The following SCN2A variants were observed in gnomAD, a reference collection of about 807,000 sequenced individuals.
SCN2A encodes the protein sodium channel protein type 2 subunit alpha.
In SCN2A, 20 loss-of-function variants were observed where a neutral mutation model predicts 188.7. The ratio of observed to expected loss-of-function variants is 0.11; its 90% CI spans 0.07 to 0.15. The LOEUF (loss-of-function observed/expected upper bound fraction) is 0.15, where lower values mean the gene tolerates loss of function less well. Ranked by LOEUF, SCN2A falls within the 10% of genes least tolerant of loss-of-function variation. The probability of loss-of-function intolerance (pLI) is 1.00; values close to 1 mark genes in which losing one functional copy is unlikely to be tolerated. For missense variants in SCN2A, 1,278 were observed against 2,445.0 expected (o/e 0.52, Z 10.07); for synonymous variants, 804 against 833.1 (o/e 0.97, Z 0.60).
intron 18 of SCN2A, among the ~76,000 whole-genome samples, chr2:165,366,348 C>T (rs12464010): frequency 0.21 from 31,469 of 151,998 alleles, 3,963 homozygotes; most frequent in East Asian, 0.34. Flanking sequence ...TGTTGAAGAG[C>T]CTTTGATCTA....
At chr2:165,261,470 G>C (rs1694592457) in intron 1 of SCN2A, among the ~76,000 whole-genome samples, 1 of 152,220 alleles carries the variant, frequency 6.6e-6, no homozygotes, top group African/African-American at 2.4e-5. Context: ...AATTGTAAGT[G>C]AAACAGGGAA....
At chr2:165,265,272 T>A (rs949956713) in intron 1 of SCN2A, among the ~76,000 whole-genome samples, 2 of 151,722 alleles carry the variant, frequency 1.3e-5, no homozygotes, top group Admixed American at 6.6e-5. Context: ...ACATATATAT[T>A]GTTGGCCACA....
At chr2:165,342,673 C>G (rs1462367529) in intron 15 of SCN2A, among the ~76,000 whole-genome samples, 1 of 152,168 alleles carries the variant, frequency 6.6e-6, no homozygotes, top group Non-Finnish European at 1.5e-5. Flanking sequence ...GTCTACACTT[C>G]TCTTCTTAGT....
rs559499401 is a variant in SCN2A at position 165,346,401 on chromosome 2, G to A, written c.2919+1490G>A. ...CCCATGTTTCTTGGAGACTTTGTTC[G>A]TTCCTTTTCATTCTTTTTTCTCTAA... On this transcript the variant is annotated intron_variant, in intron 16 of 26. Transcript: ENST00000375437. Among the ~76,000 whole-genome samples the A allele has an allele frequency of 1.6e-4, 24 of 152,150 alleles. No individual in the cohort carries two copies. The East Asian group carries it at 3.3e-3, about 21-fold the overall frequency.
At chr2:165,299,064 G>A (rs1696656753) in intron 3 of SCN2A, among the ~76,000 whole-genome samples, 1 of 151,918 alleles carries the variant, frequency 6.6e-6, no homozygotes. Context: ...TAAAACTTTT[G>A]TAATAGACCA....
chr2:165,275,999 C>CT (rs879407291), intron 1 of SCN2A, among the ~76,000 whole-genome samples: 1 of 152,150 alleles, frequency 6.6e-6, no homozygotes, highest in Non-Finnish European at 1.5e-5. Flanking sequence ...TCCCAAAGTG[C>CT]TGGGATGGCA....
intron 3 of SCN2A, among the ~76,000 whole-genome samples, chr2:165,305,678 A>G (rs1697085883): frequency 6.6e-6 from 1 of 152,240 alleles, no homozygotes; most frequent in African/African-American, 2.4e-5. Flanking sequence ...CATGTCAAAT[A>G]TAATCTCAAA....
chr2:165,352,854 A>G (rs1200134018), intron 16 of SCN2A, among the ~76,000 whole-genome samples: 2 of 152,156 alleles, frequency 1.3e-5, no homozygotes, highest in African/African-American at 4.8e-5. Flanking sequence ...TCTGGCCCCA[A>G]GCATTTCAAA....
At chr2:165,248,875 G>A (rs1475660257) in intron 1 of SCN2A, among the ~76,000 whole-genome samples, 1 of 152,066 alleles carries the variant, frequency 6.6e-6, no homozygotes, top group Non-Finnish European at 1.5e-5. Flanking sequence ...ATACTAAGGG[G>A]CACCATGCTT....
intron 1 of SCN2A, among the ~76,000 whole-genome samples, chr2:165,253,259 C>A (rs1694172673): frequency 6.6e-6 from 1 of 152,082 alleles, no homozygotes; most frequent in East Asian, 1.9e-4. Flanking sequence ...CTTCTATCTC[C>A]TTTCTAGAGC....
At chr2:165,270,848 A>G (rs1695073633) in intron 1 of SCN2A, 1 of 152,160 alleles carries the variant, frequency 6.6e-6, no homozygotes, top group Non-Finnish European at 1.5e-5. Flanking sequence ...TTATAAACAA[A>G]AAGCAATATA....
intron 1 of SCN2A, among the ~76,000 whole-genome samples, chr2:165,254,895 TTTAAG>T (rs1156697421): frequency 2.1e-4 from 32 of 151,932 alleles, no homozygotes; most frequent in African/African-American, 7.7e-4. Context: ...TACTTATCCA[TTTAAG>T]TTATTTGTGT....
At chr2:165,308,834 T>C (rs1697278185) in intron 5 of SCN2A, 40 bp downstream of exon 5, 2 of 1,610,684 alleles carry the variant, frequency 1.2e-6, no homozygotes, top group African/African-American at 2.7e-5. Flanking sequence ...GAAGAGTAAA[T>C]CACTGGTGGG....
At chr2:165,380,815 CA>C (rs1558879588) in intron 24 of SCN2A, 86 bp downstream of exon 24, 6 of 1,065,170 alleles carry the variant, frequency 5.6e-6, no homozygotes, top group Non-Finnish European at 5.5e-6. Flanking sequence ...ATGCAATCAC[CA>C]AAAAAAGAAT....
intron 16 of SCN2A, among the ~76,000 whole-genome samples, chr2:165,352,752 T>G (rs1270980756): frequency 2.0e-5 from 3 of 152,208 alleles, no homozygotes; most frequent in African/African-American, 7.2e-5. Context: ...TGTATGAAAC[T>G]TAAATGAATT....
intron 25 of SCN2A, among the ~76,000 whole-genome samples, chr2:165,383,217 T>TA (rs1358474385): frequency 2.0e-5 from 3 of 152,234 alleles, no homozygotes; most frequent in African/African-American, 7.2e-5. Flanking sequence ...AAAGGGATAC[T>TA]TTCAGCTGTG....
At chr2:165,377,470 A>G in intron 22 of SCN2A, 127 bp from the exon 23 acceptor site, 1 of 752,086 alleles carries the variant, frequency 1.3e-6, no homozygotes, top group Admixed American at 2.5e-5. Flanking sequence ...AAAAGTGAAT[A>G]CAAATTTCAA....
chr2:165,243,495 G>A (rs553782099), intron 1 of SCN2A, among the ~76,000 whole-genome samples: 314 of 151,922 alleles, frequency 2.1e-3, no homozygotes, highest in African/African-American at 7.3e-3. Context: ...CCAGCTACTC[G>A]GGAGGCTGAG....
chr2:165,352,302 A>G (rs548664832), intron 16 of SCN2A, among the ~76,000 whole-genome samples: 1 of 152,244 alleles, frequency 6.6e-6, no homozygotes, highest in East Asian at 1.9e-4. Context: ...CAGGAGTCAT[A>G]GTATAGAGAC....
Sources: allele counts gnomAD v4.1 joint callset (sites outside exome capture counted in the v4.1 genomes callset), GRCh38; gene constraint gnomAD v4.1.1; transcripts MANE v1.5; gene names NCBI Gene and HGNC (gene_info 2026-07-23, HGNC 2026-07-21).